RFTN1: variants seen among roughly 807,000 people sequenced by gnomAD.
The protein encoded by RFTN1 is raftlin, lipid raft linker 1, also known as raftlin.
A neutral mutation model predicts 46.5 loss-of-function variants in RFTN1; 26 were observed. The observed-to-expected ratio is 0.56, with a 90% CI of 0.41 to 0.78. The LOEUF (loss-of-function observed/expected upper bound fraction) is 0.78, where lower values mean the gene tolerates loss of function less well. Among genes scored for constraint, RFTN1 ranks in the 30% least tolerant of loss-of-function variants. The pLI is 0.00. For synonymous variants in RFTN1, 261 were observed against 284.2 expected, an observed-to-expected ratio of 0.92 and a Z score of 0.82; for missense variants, 693 against 718.7, an observed-to-expected ratio of 0.96 and a Z score of 0.41.
rs2075350398 is a variant in RFTN1, at chr3:16,429,844, T to C, written c.332+4007A>G. On this transcript the variant is annotated intron_variant, in intron 3 of 9. Coordinates refer to ENST00000334133, the MANE Select transcript of RFTN1 (RefSeq NM_015150.2). This position sits in a 1 kb window ranked among gnomAD's most constrained non-coding sequence, Gnocchi z 6.4. ...GTCATCTCATGGTGATTCTTGGTAA[T>C]GAAGTTCACTTGGGTCAACAATAAT... 6.6e-6 allele frequency among the ~76,000 whole-genome samples: 1 copy of C among 152,234 alleles called. No individual in the cohort carries two copies. Among genetic ancestry groups the C allele is most frequent in the South Asian group, 2.1e-4 (1 of 4,836 alleles).
chr3:16,328,926 C>T (rs947542768), intron 7 of RFTN1, among the ~76,000 whole-genome samples: 3 of 152,190 alleles, frequency 2.0e-5, no homozygotes, highest in East Asian at 1.9e-4. Flanking sequence ...AGGATCAGCT[C>T]TGTTAGAAAT....
intron 2 of RFTN1, among the ~76,000 whole-genome samples, chr3:16,487,961 C>T (rs1356749281): frequency 1.3e-5 from 2 of 152,202 alleles, no homozygotes; most frequent in Admixed American, 6.5e-5. Flanking sequence ...TTTTTGGCAG[C>T]TTATGTGCTT....
rs1247616395 is a variant in RFTN1, at chr3:16,425,571, C to A, written c.332+8280G>T. Among the ~76,000 whole-genome samples the A allele has an allele frequency of 6.6e-6, 1 of 152,150 alleles. No homozygotes were observed. Among genetic ancestry groups the A allele is most frequent in the Non-Finnish European group, 1.5e-5 (1 of 68,028 alleles). ...AAAATGAGCTCTCACACCAACCATG[C>A]ACGTCTCCTTCTTGTTCTCTCCACC... On this transcript the variant is annotated intron_variant, in intron 3 of 9. Coordinates refer to ENST00000334133, the MANE Select transcript of RFTN1 (RefSeq NM_015150.2). This position sits in a 1 kb window ranked among gnomAD's most constrained non-coding sequence, Gnocchi z 4.3.
intron 4 of RFTN1, among the ~76,000 whole-genome samples, chr3:16,401,398 A>C (rs554613459): frequency 4.0e-5 from 6 of 151,652 alleles, no homozygotes; most frequent in Admixed American, 2.6e-4. Context: ...TTCTAGACAC[A>C]TTTACTTAAG....
chr3:16,347,419 C>G (rs960930021), intron 7 of RFTN1, among the ~76,000 whole-genome samples: 11 of 152,252 alleles, frequency 7.2e-5, no homozygotes, highest in African/African-American at 2.7e-4. Context: ...AAGGTTATAA[C>G]AGGCCCATGC....
At chr3:16,405,938 A>G (rs2074846784) in intron 4 of RFTN1, among the ~76,000 whole-genome samples, 1 of 152,120 alleles carries the variant, frequency 6.6e-6, no homozygotes, top group Non-Finnish European at 1.5e-5. Flanking sequence ...CCAATGACAC[A>G]GCTTCATCTT....
In RFTN1 at chr3:16,341,502, C is replaced by G. The variant is rs535070180; in HGVS notation, c.1147-14626G>C. Among the ~76,000 whole-genome samples the G allele has an allele frequency of 7.2e-5, 11 of 152,242 alleles. 1 individual carries two copies. The South Asian group carries it at 2.1e-3, about 29-fold the overall frequency. ...AATGAGCTCTCAAGAGATGGAGGAGCCTTAAATCCATATTACTAAGTGAAA... is the reference window on the plus strand; with the variant it reads ...AATGAGCTCTCAAGAGATGGAGGAGGCTTAAATCCATATTACTAAGTGAAA... On this transcript the variant is annotated intron_variant, in intron 7 of 9. Coordinates refer to ENST00000334133, the MANE Select transcript of RFTN1 (RefSeq NM_015150.2). The surrounding 1 kb of genome is among the most constrained non-coding windows in gnomAD (Gnocchi z 4.7).
At position 16,332,399 on chromosome 3, in the gene RFTN1, C is replaced by T. The variant is rs192057069; in HGVS notation, c.1147-5523G>A. ...TATTTTTAAGATTCAAAAGCCCTTT[C>T]TTATCTTTTGATTGCTTCTTTTTTT... On this transcript the variant is annotated intron_variant, in intron 7 of 9. Transcript: ENST00000334133. Among the ~76,000 whole-genome samples, 44 of 140,722 alleles carry T rather than the reference C, an allele frequency of 3.1e-4. 1 individual carries two copies. In the East Asian group the frequency reaches 6.2e-3, roughly 20 times the overall value. 92.3% of individuals were successfully genotyped at this position (140,722 alleles called of 152,430 possible). A position where few individuals can be genotyped will look rare whatever the true frequency, so the allele number is the denominator to read the frequency against.
At chr3:16,411,405 G>A (rs931435426) in intron 3 of RFTN1, among the ~76,000 whole-genome samples, 3 of 152,184 alleles carry the variant, frequency 2.0e-5, no homozygotes, top group Non-Finnish European at 4.4e-5. Flanking sequence ...GTGCAACTGT[G>A]ATTTGGTAAG....
chr3:16,420,973 C>T (rs969665815), intron 3 of RFTN1, among the ~76,000 whole-genome samples: 22 of 152,086 alleles, frequency 1.4e-4, no homozygotes, highest in African/African-American at 3.6e-4. Flanking sequence ...AGCAAGATTC[C>T]GACTGCTTCA....
At chr3:16,482,635 T>A in intron 2 of RFTN1, 1 of 966,026 alleles carries the variant, frequency 1.0e-6, no homozygotes, top group Non-Finnish European at 1.6e-6. Context: ...GAGCCTTGTT[T>A]CCTCATTTGT....
rs1559317977 is a variant in RFTN1, at chr3:16,391,887, TTTTTTTG to T, written c.442-13792_442-13786del. On this transcript the variant is annotated intron_variant, in intron 4 of 9. Transcript: ENST00000334133. ...TTTTTTTGTTTTTTTTTTTTGTTTT[TTTTTTTG>T]TTTTTTTTACGGGGAAGAAAGCTAA... is the stretch of plus-strand genomic sequence containing the variant. Among the ~76,000 whole-genome samples, 624 of 72,044 alleles carry T rather than the reference TTTTTTTG, an allele frequency of 8.7e-3. 14 individuals are homozygous for T. Among genetic ancestry groups the T allele is most frequent in the African/African-American group, 0.019 (561 of 29,476 alleles). 47.3% of individuals were successfully genotyped at this position (72,044 alleles called of 152,430 possible). A position where few individuals can be genotyped will look rare whatever the true frequency, so the allele number is the denominator to read the frequency against.
At chr3:16,369,034 G>A (rs984888145) in intron 6 of RFTN1, among the ~76,000 whole-genome samples, 3 of 152,184 alleles carry the variant, frequency 2.0e-5, no homozygotes, top group Non-Finnish European at 4.4e-5. Flanking sequence ...CTGCTACTAT[G>A]ATAACGTGTC....
At chr3:16,455,776 G>A (rs904036522) in intron 2 of RFTN1, among the ~76,000 whole-genome samples, 3 of 152,156 alleles carry the variant, frequency 2.0e-5, no homozygotes, top group African/African-American at 7.2e-5. Flanking sequence ...TAATGCACAT[G>A]GCAAAAACTC....
chr3:16,503,170 G>A (rs2076741866), intron 1 of RFTN1, among the ~76,000 whole-genome samples: 1 of 152,128 alleles, frequency 6.6e-6, no homozygotes, highest in South Asian at 2.1e-4. Flanking sequence ...CTGCTCTGCT[G>A]CTCTCCAGCC....
chr3:16,445,299 G>GAGAA (rs1283060181), intron 2 of RFTN1, among the ~76,000 whole-genome samples: 1 of 152,006 alleles, frequency 6.6e-6, no homozygotes, highest in Non-Finnish European at 1.5e-5. Context: ...AAGAGAAAAA[G>GAGAA]AGAAAGAAAG....
At chr3:16,477,193 T>C (rs903134889) in intron 2 of RFTN1, among the ~76,000 whole-genome samples, 1 of 149,644 alleles carries the variant, frequency 6.7e-6, no homozygotes, top group Admixed American at 6.6e-5. Context: ...AGTAAATTAT[T>C]TGGTTTTTTT....
At chr3:16,339,122 T>C (rs2071127930) in intron 7 of RFTN1, among the ~76,000 whole-genome samples, 1 of 152,194 alleles carries the variant, frequency 6.6e-6, no homozygotes, top group Non-Finnish European at 1.5e-5. Context: ...AAGGAAGGGA[T>C]TGGGTAAGAC....
chr3:16,340,665 G>T (rs2071259123), intron 7 of RFTN1, among the ~76,000 whole-genome samples: 1 of 152,212 alleles, frequency 6.6e-6, no homozygotes, highest in South Asian at 2.1e-4. Flanking sequence ...AAGTTACCTT[G>T]TCTTTATACA....
Sources: allele counts gnomAD v4.1 joint callset (sites outside exome capture counted in the v4.1 genomes callset), GRCh38; gene constraint gnomAD v4.1.1; non-coding constraint Gnocchi (gnomAD v3.1); transcripts MANE v1.5; gene names NCBI Gene and HGNC (gene_info 2026-07-23, HGNC 2026-07-21).